Variants in KIAA1328 observed in about 807,000 individuals in gnomAD.
KIAA1328 encodes the protein protein hinderin.
A neutral mutation model predicts 68.1 loss-of-function variants in KIAA1328; 52 were observed. The ratio of observed to expected loss-of-function variants is 0.76; its 90% CI spans 0.61 to 0.96. The LOEUF is 0.96. Ranked by LOEUF, KIAA1328 falls within the 40% of genes least tolerant of loss-of-function variation. The pLI, the probability that KIAA1328 is intolerant of heterozygous loss-of-function variation, is 0.00. For missense variants in KIAA1328, 641 were observed against 677.6 expected (o/e 0.95, Z 0.60); for synonymous variants, 232 against 239.4 (o/e 0.97, Z 0.28).
intron 5 of KIAA1328, among the ~76,000 whole-genome samples, chr18:36,887,413 C>T (rs183653457): frequency 1.3e-5 from 2 of 151,902 alleles, no homozygotes. Flanking sequence ...TATGGAGATT[C>T]AGTGGTTTAA....
chr18:36,879,557 A>G (rs1255806250), intron 4 of KIAA1328, among the ~76,000 whole-genome samples: 16 of 152,216 alleles, frequency 1.1e-4, no homozygotes. Context: ...CTTGAGCACT[A>G]TGCTGGGAGA....
intron 7 of KIAA1328, among the ~76,000 whole-genome samples, chr18:37,125,218 G>A (rs538035066): frequency 6.6e-6 from 1 of 152,194 alleles, no homozygotes; most frequent in African/African-American, 2.4e-5. Context: ...TGCTCAGGAG[G>A]TTGAGGTAGG....
intron 7 of KIAA1328, chr18:37,084,272 C>T (rs748349605): frequency 2.0e-5 from 24 of 1,203,948 alleles, no homozygotes; most frequent in Admixed American, 2.9e-5. Context: ...ATCTTAAGGG[C>T]ATAAATATTT....
intron 6 of KIAA1328, among the ~76,000 whole-genome samples, chr18:37,006,453 C>A (rs1377217851): frequency 2.0e-5 from 3 of 151,970 alleles, no homozygotes; most frequent in African/African-American, 4.8e-5. Context: ...AAAACAAATT[C>A]TTAGTTTGTA....
At chr18:36,836,931 T>G (rs1462412290) in intron 3 of KIAA1328, among the ~76,000 whole-genome samples, 1 of 152,162 alleles carries the variant, frequency 6.6e-6, no homozygotes, top group Non-Finnish European at 1.5e-5. Flanking sequence ...GCATAATGAT[T>G]TCAAGGTTCA....
At chr18:37,008,783 T>C (rs1468755675) in intron 6 of KIAA1328, among the ~76,000 whole-genome samples, 7 of 152,136 alleles carry the variant, frequency 4.6e-5, no homozygotes. Context: ...GTGGTTTAAT[T>C]GGCAGAATGG....
At chr18:37,131,479 A>G (rs565140199) in intron 7 of KIAA1328, among the ~76,000 whole-genome samples, 1 of 152,268 alleles carries the variant, frequency 6.6e-6, no homozygotes, top group Admixed American at 6.5e-5. Context: ...CAGTTTATAT[A>G]GTTTGTTTTT....
At chr18:36,876,185 C>G (rs1013178420) in intron 4 of KIAA1328, among the ~76,000 whole-genome samples, 1 of 152,006 alleles carries the variant, frequency 6.6e-6, no homozygotes, top group Admixed American at 6.6e-5. Flanking sequence ...CCTCATAAAA[C>G]GAGTTAGGCA....
chr18:37,008,282 A>G (rs2151479695), intron 6 of KIAA1328, among the ~76,000 whole-genome samples: 1 of 152,354 alleles, frequency 6.6e-6, no homozygotes, highest in Non-Finnish European at 1.5e-5. Context: ...CTATGCATGC[A>G]CAAAGCAGAC....
chr18:36,863,097 A>G (rs570456208), intron 4 of KIAA1328, among the ~76,000 whole-genome samples: 43 of 152,182 alleles, frequency 2.8e-4, no homozygotes, highest in Admixed American at 5.2e-4. Flanking sequence ...AAATACTTTT[A>G]TCTAGTTTGT....
At chr18:37,103,582 A>G (rs2057686753) in intron 7 of KIAA1328, among the ~76,000 whole-genome samples, 1 of 152,224 alleles carries the variant, frequency 6.6e-6, no homozygotes, top group Non-Finnish European at 1.5e-5. Flanking sequence ...ACATTTTAGG[A>G]CATTGGTCTT....
At chr18:37,032,160 A>G (rs1224961895) in intron 6 of KIAA1328, among the ~76,000 whole-genome samples, 2 of 152,206 alleles carry the variant, frequency 1.3e-5, no homozygotes, top group Non-Finnish European at 2.9e-5. Flanking sequence ...AGCCAGGGCA[A>G]CAGAGCAAGA....
chr18:37,156,375 G>A (rs368198145), intron 7 of KIAA1328, among the ~76,000 whole-genome samples: 8 of 141,050 alleles, frequency 5.7e-5, no homozygotes, highest in Admixed American at 5.4e-4. Context: ...GTGGTGAGCC[G>A]AGATTGTGCC....
intron 7 of KIAA1328, among the ~76,000 whole-genome samples, chr18:37,085,726 T>C (rs180927108): frequency 1.2e-4 from 18 of 152,280 alleles, no homozygotes; most frequent in African/African-American, 4.3e-4. Context: ...ATGATTTAGC[T>C]CTCACTGATA....
intron 6 of KIAA1328, among the ~76,000 whole-genome samples, chr18:37,041,390 A>C (rs1484826129): frequency 6.6e-6 from 1 of 152,058 alleles, no homozygotes; most frequent in Non-Finnish European, 1.5e-5. Flanking sequence ...TGAATGATGT[A>C]TCTTTTTCCA....
At chr18:37,129,376 C>T (rs1370529265) in intron 7 of KIAA1328, among the ~76,000 whole-genome samples, 2 of 152,068 alleles carry the variant, frequency 1.3e-5, no homozygotes, top group African/African-American at 4.8e-5. Context: ...ACAGTGTGTC[C>T]ATTTTATGGA....
At chr18:37,116,207 A>G (rs1452622941) in intron 7 of KIAA1328, among the ~76,000 whole-genome samples, 1 of 151,930 alleles carries the variant, frequency 6.6e-6, no homozygotes, top group African/African-American at 2.4e-5. Flanking sequence ...TGCCAAGTCA[A>G]TCCTAAGCCA....
chr18:36,896,099 T>G (rs920805212), intron 5 of KIAA1328, among the ~76,000 whole-genome samples: 3 of 152,180 alleles, frequency 2.0e-5, no homozygotes, highest in African/African-American at 7.2e-5. Context: ...TAATTTTTAT[T>G]CTAATTATCA....
intron 5 of KIAA1328, among the ~76,000 whole-genome samples, chr18:36,910,085 G>C (rs1025397525): frequency 2.6e-4 from 39 of 152,162 alleles, no homozygotes; most frequent in Non-Finnish European, 7.3e-5. Context: ...TGTTCACTCT[G>C]ATGGTAGTTT....
Sources: allele counts gnomAD v4.1 joint callset (sites outside exome capture counted in the v4.1 genomes callset), GRCh38; gene constraint gnomAD v4.1.1; transcripts MANE v1.5; gene names NCBI Gene and HGNC (gene_info 2026-07-23, HGNC 2026-07-21).